PPP2R5E: variants seen among roughly 807,000 people sequenced by gnomAD.
PPP2R5E encodes serine/threonine-protein phosphatase 2A 56 kDa regulatory subunit epsilon isoform.
In PPP2R5E, 4 loss-of-function variants were observed where a neutral mutation model predicts 65.3. The observed-to-expected ratio is 0.06, with a 90% confidence interval of 0.03 to 0.14. The LOEUF is 0.14. Ranked by LOEUF, PPP2R5E falls within the 10% of genes least tolerant of loss-of-function variation. The pLI is 1.00. For synonymous variants in PPP2R5E, 183 were observed against 187.4 expected (o/e 0.98, Z 0.19); for missense variants, 274 against 556.1 (o/e 0.49, Z 5.10).
At chr14:63,541,490 G>A (rs1358794888) in intron 1 of PPP2R5E, among the ~76,000 whole-genome samples, 1 of 152,152 alleles carries the variant, frequency 6.6e-6, no homozygotes, top group East Asian at 1.9e-4. Flanking sequence ...AGTAACAAGC[G>A]TTAAGCTTAA....
intron 2 of PPP2R5E, among the ~76,000 whole-genome samples, chr14:63,492,645 G>A (rs1396344716): frequency 1.3e-5 from 2 of 152,104 alleles, no homozygotes; most frequent in Admixed American, 6.6e-5. Context: ...CTTGTATGAT[G>A]GCACAGATCA....
chr14:63,505,698 T>C (rs931497206), intron 2 of PPP2R5E, among the ~76,000 whole-genome samples: 1 of 152,158 alleles, frequency 6.6e-6, no homozygotes, highest in African/African-American at 2.4e-5. Flanking sequence ...CTGCATCCCC[T>C]CTCACTTGAC....
intron 2 of PPP2R5E, among the ~76,000 whole-genome samples, chr14:63,501,029 G>A (rs11847062): frequency 0.098 from 14,956 of 152,098 alleles, 1,875 homozygotes; most frequent in African/African-American, 0.29. Context: ...CAAATCAGGA[G>A]ACCAAGGTAG....
intron 5 of PPP2R5E, among the ~76,000 whole-genome samples, chr14:63,398,945 T>A (rs1885569733): frequency 6.6e-6 from 1 of 152,208 alleles, no homozygotes; most frequent in South Asian, 2.1e-4. Flanking sequence ...TGCAGCTATT[T>A]CAGAAAACAG....
chr14:63,532,643 T>A (rs1446638550), intron 2 of PPP2R5E, among the ~76,000 whole-genome samples: 1 of 152,196 alleles, frequency 6.6e-6, no homozygotes, highest in Non-Finnish European at 1.5e-5. Flanking sequence ...TGTGGCACTG[T>A]CACATCTATT....
At chr14:63,513,302 A>G (rs1416024752) in intron 2 of PPP2R5E, among the ~76,000 whole-genome samples, 1 of 152,186 alleles carries the variant, frequency 6.6e-6, no homozygotes, top group East Asian at 1.9e-4. Context: ...CCTCAAGTAA[A>G]AAGGACAAGG....
intron 11 of PPP2R5E, among the ~76,000 whole-genome samples, chr14:63,388,112 CTT>C (rs779677887): frequency 7.3e-6 from 1 of 137,424 alleles, no homozygotes. Context: ...TGGTGATGCT[CTT>C]TTTTTTTTTT....
intron 3 of PPP2R5E, among the ~76,000 whole-genome samples, chr14:63,445,711 G>A (rs755671162): frequency 3.2e-4 from 48 of 152,078 alleles, no homozygotes; most frequent in Admixed American, 8.5e-4. Context: ...GCGTGGTGGT[G>A]AGCGCCTGTA....
chr14:63,428,673 G>A (rs1402283582), intron 3 of PPP2R5E, among the ~76,000 whole-genome samples: 3 of 152,052 alleles, frequency 2.0e-5, no homozygotes. Flanking sequence ...CAAATTCTTG[G>A]CCAAATGTGA....
At chr14:63,532,868 T>A (rs1893494945) in intron 2 of PPP2R5E, among the ~76,000 whole-genome samples, 1 of 152,190 alleles carries the variant, frequency 6.6e-6, no homozygotes, top group Non-Finnish European at 1.5e-5. Context: ...AGCATTTCAC[T>A]CTGTTGCCCA....
chr14:63,534,600 G>A (rs1893591106), intron 2 of PPP2R5E, among the ~76,000 whole-genome samples: 1 of 152,086 alleles, frequency 6.6e-6, no homozygotes, highest in South Asian at 2.1e-4. Context: ...GAATGAGTAA[G>A]AATCTTTTAG....
At chr14:63,424,791 G>A (rs1486123844) in intron 3 of PPP2R5E, among the ~76,000 whole-genome samples, 3 of 151,796 alleles carry the variant, frequency 2.0e-5, no homozygotes, top group Admixed American at 1.3e-4. Context: ...TGGGCACCCA[G>A]TATTTAGAAA....
intron 2 of PPP2R5E, among the ~76,000 whole-genome samples, chr14:63,512,767 T>C (rs996065073): frequency 6.6e-6 from 1 of 152,176 alleles, no homozygotes; most frequent in Non-Finnish European, 1.5e-5. Flanking sequence ...TACTGTAATT[T>C]TGAAAACTAA....
intron 3 of PPP2R5E, among the ~76,000 whole-genome samples, chr14:63,443,989 A>G (rs1289344493): frequency 6.6e-6 from 1 of 152,044 alleles, no homozygotes; most frequent in African/African-American, 2.4e-5. Flanking sequence ...TCTGCCTTCA[A>G]TCTCAGCCTC....
At chr14:63,422,992 A>T (rs904781254) in intron 3 of PPP2R5E, among the ~76,000 whole-genome samples, 1 of 152,234 alleles carries the variant, frequency 6.6e-6, no homozygotes, top group Non-Finnish European at 1.5e-5. Context: ...CAAATTAAAC[A>T]ATGGTTGTTC....
At chr14:63,490,963 A>G (rs1043813432) in intron 2 of PPP2R5E, among the ~76,000 whole-genome samples, 2 of 152,114 alleles carry the variant, frequency 1.3e-5, no homozygotes, top group Non-Finnish European at 2.9e-5. Context: ...ACTATTCACA[A>G]TAGGAAAGAT....
chr14:63,399,302 T>A (rs1885598472), intron 5 of PPP2R5E, among the ~76,000 whole-genome samples: 2 of 146,752 alleles, frequency 1.4e-5, no homozygotes, highest in African/African-American at 5.0e-5. Context: ...ATAAGCAGAA[T>A]AGGCAAATCC....
At chr14:63,515,412 A>G (rs993571625) in intron 2 of PPP2R5E, among the ~76,000 whole-genome samples, 3 of 152,234 alleles carry the variant, frequency 2.0e-5, no homozygotes, top group Non-Finnish European at 4.4e-5. Flanking sequence ...CTGACATTCC[A>G]ATTTAATCAC....
At chr14:63,396,808 C>CA (rs1479142375) in intron 5 of PPP2R5E, 92 bp from the exon 6 acceptor site, 17 of 1,480,408 alleles carry the variant, frequency 1.1e-5, no homozygotes, top group Non-Finnish European at 1.5e-5. Flanking sequence ...CTTCCTTCCT[C>CA]AAAAAATGTG....
Sources: allele counts gnomAD v4.1 joint callset (sites outside exome capture counted in the v4.1 genomes callset), GRCh38; gene constraint gnomAD v4.1.1; transcripts MANE v1.5; gene names NCBI Gene and HGNC (gene_info 2026-07-23, HGNC 2026-07-21).